The following CSMD3 variants were observed in gnomAD, a reference collection of about 807,000 sequenced individuals.
The protein encoded by CSMD3 is CUB and sushi domain-containing protein 3.
Under a neutral mutation model 435.2 loss-of-function variants are expected in CSMD3, and 177 were observed. The ratio of observed to expected loss-of-function variants is 0.41; its 90% CI spans 0.36 to 0.46. The LOEUF (loss-of-function observed/expected upper bound fraction) is 0.46. Among genes scored for constraint, CSMD3 ranks in the 20% least tolerant of loss-of-function variants. The pLI, the probability that CSMD3 is intolerant of heterozygous loss-of-function variation, is 0.34. For synonymous variants in CSMD3, 1,656 were observed against 1,520.5 expected (o/e 1.09, Z -2.07); for missense variants, 4,265 against 4,504.6 (o/e 0.95, Z 1.52).
intron 13 of CSMD3, among the ~76,000 whole-genome samples, chr8:112,696,734 T>C (rs1050004765): frequency 1.3e-5 from 2 of 151,826 alleles, no homozygotes; most frequent in African/African-American, 4.8e-5. Flanking sequence ...TGGGATCTAA[T>C]TAAACTAAAG....
At chr8:112,257,453 G>T (rs994274075) in intron 61 of CSMD3, among the ~76,000 whole-genome samples, 1 of 152,094 alleles carries the variant, frequency 6.6e-6, no homozygotes, top group Non-Finnish European at 1.5e-5. Context: ...CAAAATCAAT[G>T]TGTAAGAATC....
At chr8:113,244,876 C>T (rs1383961361) in intron 3 of CSMD3, among the ~76,000 whole-genome samples, 1 of 151,890 alleles carries the variant, frequency 6.6e-6, no homozygotes, top group African/African-American at 2.4e-5. Context: ...TTGTTCTATT[C>T]ATTATTAAAT....
At chr8:112,241,589 T>TTA (rs1814150860) in intron 66 of CSMD3, 131 bp downstream of exon 66, 1 of 675,024 alleles carries the variant, frequency 1.5e-6, no homozygotes, top group African/African-American at 1.8e-5. Context: ...ATCTTGTGAA[T>TTA]TATCAAATTC....
chr8:112,857,629 A>C (rs1352381943), intron 11 of CSMD3, among the ~76,000 whole-genome samples: 4 of 151,956 alleles, frequency 2.6e-5, no homozygotes, highest in Middle Eastern at 3.4e-3. Flanking sequence ...TATCTCATAA[A>C]GTACACACCT....
intron 13 of CSMD3, among the ~76,000 whole-genome samples, chr8:112,717,498 G>A (rs189931876): frequency 1.3e-4 from 20 of 152,308 alleles, no homozygotes; most frequent in Non-Finnish European, 2.6e-4. Context: ...GTGGAAGACA[G>A]TGTGGCAATT....
intron 24 of CSMD3, among the ~76,000 whole-genome samples, chr8:112,557,362 T>C (rs551832699): frequency 6.6e-6 from 1 of 151,814 alleles, no homozygotes; most frequent in Non-Finnish European, 1.5e-5. Context: ...AGAGTGAGAG[T>C]ACAGTTTTTG....
At chr8:112,264,223 T>G (rs780267912) in intron 60 of CSMD3, among the ~76,000 whole-genome samples, 26 of 152,182 alleles carry the variant, frequency 1.7e-4, no homozygotes, top group Non-Finnish European at 3.4e-4. Flanking sequence ...ATCATGGAAT[T>G]TGAAAGTAGT....
chr8:113,349,004 C>T (rs1453583001), intron 1 of CSMD3, among the ~76,000 whole-genome samples: 2 of 151,922 alleles, frequency 1.3e-5, no homozygotes, highest in Non-Finnish European at 2.9e-5. Flanking sequence ...TATATACATA[C>T]ATATATAGGT....
At chr8:112,956,084 C>T (rs2084006757) in intron 7 of CSMD3, among the ~76,000 whole-genome samples, 1 of 151,894 alleles carries the variant, frequency 6.6e-6, no homozygotes, top group Admixed American at 6.6e-5. Flanking sequence ...GGAATATTAT[C>T]GTTGGAGCAG....
At chr8:113,276,158 T>G (rs549317015) in intron 3 of CSMD3, among the ~76,000 whole-genome samples, 1 of 152,218 alleles carries the variant, frequency 6.6e-6, no homozygotes, top group East Asian at 1.9e-4. Flanking sequence ...AATGCCCCTC[T>G]ACCTCCCCAA....
At chr8:113,023,679 T>C (rs1295395048) in intron 5 of CSMD3, among the ~76,000 whole-genome samples, 2 of 152,138 alleles carry the variant, frequency 1.3e-5, no homozygotes, top group East Asian at 3.9e-4. Context: ...ACTCTAAATC[T>C]TTCTCAGGAA....
intron 13 of CSMD3, among the ~76,000 whole-genome samples, chr8:112,731,545 T>C (rs2077074935): frequency 6.6e-6 from 1 of 152,118 alleles, no homozygotes; most frequent in Non-Finnish European, 1.5e-5. Flanking sequence ...TTGACTTACA[T>C]TTTTGTATTT....
intron 4 of CSMD3, among the ~76,000 whole-genome samples, chr8:113,138,875 GTA>G (rs537392135): frequency 1.7e-4 from 25 of 149,544 alleles, no homozygotes; most frequent in East Asian, 1.4e-3. Flanking sequence ...CTGAATATAT[GTA>G]TATATATATG....
At chr8:112,373,269 T>C (rs1828615051) in intron 38 of CSMD3, among the ~76,000 whole-genome samples, 1 of 152,134 alleles carries the variant, frequency 6.6e-6, no homozygotes, top group Non-Finnish European at 1.5e-5. Flanking sequence ...AGTGTGATTA[T>C]AGACTGTGAT....
chr8:113,175,190 T>C (rs1050251661), intron 3 of CSMD3, among the ~76,000 whole-genome samples: 8 of 151,686 alleles, frequency 5.3e-5, no homozygotes, highest in Non-Finnish European at 8.9e-5. Flanking sequence ...ATTTTGAGAG[T>C]GTTTTTTAAA....
chr8:112,619,172 A>C (rs911257543), intron 22 of CSMD3, among the ~76,000 whole-genome samples: 1 of 152,036 alleles, frequency 6.6e-6, no homozygotes, highest in Admixed American at 6.6e-5. Flanking sequence ...ATTAGTGGCT[A>C]TTCTCCCTCC....
At chr8:112,329,675 T>G (rs12334550) in intron 45 of CSMD3, among the ~76,000 whole-genome samples, 1 of 152,138 alleles carries the variant, frequency 6.6e-6, no homozygotes, top group Non-Finnish European at 1.5e-5. Context: ...GTGTTCCTGA[T>G]AGTCTTTGGC....
At chr8:112,783,329 C>CA (rs1437492357) in intron 13 of CSMD3, among the ~76,000 whole-genome samples, 2 of 138,448 alleles carry the variant, frequency 1.4e-5, no homozygotes, top group Admixed American at 7.3e-5. Context: ...AACAGATACA[C>CA]AAAAAAATAG....
intron 3 of CSMD3, among the ~76,000 whole-genome samples, chr8:113,258,304 A>T (rs1181510283): frequency 6.6e-6 from 1 of 152,196 alleles, no homozygotes. Context: ...CATCTTTATA[A>T]AAAGATAGTA....
Sources: gnomAD v4.1 joint callset for allele counts (sites outside exome capture counted in the v4.1 genomes callset) on GRCh38, gnomAD v4.1.1 for gene constraint, MANE v1.5 for transcripts, NCBI Gene and HGNC (gene_info 2026-07-23, HGNC 2026-07-21) for gene names.